The following TRPM6 variants were observed in gnomAD, a reference collection of about 807,000 sequenced individuals.
TRPM6 encodes the protein channel kinase 2.
TRPM6 carries 111 observed loss-of-function variants against 247.6 expected under a neutral mutation model. The ratio of observed to expected loss-of-function variants is 0.45; its 90% CI spans 0.38 to 0.52. The LOEUF (loss-of-function observed/expected upper bound fraction) is 0.52. Among genes scored for constraint, TRPM6 ranks in the 20% least tolerant of loss-of-function variants. TRPM6 has a pLI of 0.00. For missense variants in TRPM6, 2,126 were observed against 2,421.5 expected (o/e 0.88, Z 2.56); for synonymous variants, 892 against 853.8 (o/e 1.04, Z -0.78).
chr9:74,744,873 T>A (rs578205593), intron 31 of TRPM6, among the ~76,000 whole-genome samples: 2 of 152,194 alleles, frequency 1.3e-5, no homozygotes, highest in Non-Finnish European at 2.9e-5. Flanking sequence ...ATTTCGCAGA[T>A]CTCTCTGGGT....
At chr9:74,725,791 C>G (rs914507018) in intron 38 of TRPM6, among the ~76,000 whole-genome samples, 3 of 152,210 alleles carry the variant, frequency 2.0e-5, no homozygotes, top group Admixed American at 2.0e-4. Flanking sequence ...ATTGCCCAGT[C>G]TCAGGTATTT....
At chr9:74,849,337 GT>G in intron 3 of TRPM6, among the ~76,000 whole-genome samples, 1 of 132,934 alleles carries the variant, frequency 7.5e-6, no homozygotes, top group Non-Finnish European at 1.6e-5. Flanking sequence ...GGAAATAAGA[GT>G]GAAACTTCAT....
chr9:74,761,843 A>C (rs758471242), intron 26 of TRPM6, 35 bp from the exon 27 acceptor site: 2 of 1,543,352 alleles, frequency 1.3e-6, no homozygotes, highest in Non-Finnish European at 9.0e-7. Context: ...AAAGTTGACA[A>C]CAGTAAGTGG....
chr9:74,728,120 T>C, intron 38 of TRPM6, 119 bp downstream of exon 38: 1 of 838,312 alleles, frequency 1.2e-6, no homozygotes, highest in Non-Finnish European at 2.0e-6. Flanking sequence ...AGTCAGGCTC[T>C]GCGAATGACG....
chr9:74,829,010 C>A (rs1168497532), intron 6 of TRPM6, among the ~76,000 whole-genome samples: 1 of 152,080 alleles, frequency 6.6e-6, no homozygotes, highest in Non-Finnish European at 1.5e-5. Context: ...TAAAGAGTAA[C>A]AGCTGGCCAG....
At chr9:74,850,058 C>A (rs1184144756) in intron 3 of TRPM6, among the ~76,000 whole-genome samples, 1 of 152,204 alleles carries the variant, frequency 6.6e-6, no homozygotes, top group Non-Finnish European at 1.5e-5. Context: ...GAAGTGTCTA[C>A]AACTTACAAT....
At chr9:74,836,537 T>C (rs1829727291) in intron 5 of TRPM6, among the ~76,000 whole-genome samples, 1 of 152,176 alleles carries the variant, frequency 6.6e-6, no homozygotes, top group Admixed American at 6.5e-5. Context: ...GATTCCATGG[T>C]TTGGCATGGT....
At chr9:74,882,723 A>C (rs1831401849) in intron 1 of TRPM6, among the ~76,000 whole-genome samples, 1 of 152,196 alleles carries the variant, frequency 6.6e-6, no homozygotes, top group South Asian at 2.1e-4. Flanking sequence ...AAAACTAAAA[A>C]TGGAATTACC....
intron 1 of TRPM6, among the ~76,000 whole-genome samples, chr9:74,882,647 A>G (rs73538230): frequency 0.028 from 4,224 of 152,296 alleles, 229 homozygotes; most frequent in African/African-American, 0.098. Flanking sequence ...GGAGACCCTC[A>G]TACACTGTTG....
At chr9:74,732,632 T>C (rs1587449091) in intron 37 of TRPM6, 53 bp downstream of exon 37, 1 of 1,357,576 alleles carries the variant, frequency 7.4e-7, no homozygotes, top group South Asian at 1.2e-5. Context: ...TTTAAAACCA[T>C]TTACTATATG....
chr9:74,806,007 ATT>A (rs538334532), intron 14 of TRPM6, among the ~76,000 whole-genome samples: 1 of 152,164 alleles, frequency 6.6e-6, no homozygotes, highest in South Asian at 2.1e-4. Context: ...GGAATTATTC[ATT>A]TTTTATGTAT....
chr9:74,856,453 GTGTGTGTGTGTGTC>G (rs1406569243), intron 2 of TRPM6, among the ~76,000 whole-genome samples: 83 of 114,180 alleles, frequency 7.3e-4, no homozygotes, highest in African/African-American at 3.6e-3. Flanking sequence ...ATATGTGTGT[GTGTGTGTGTGTGTC>G]TGTGTGTGTG....
rs756592766 is a variant in TRPM6 at position 74,732,671 on chromosome 9, A to T, written c.5828+14T>A. On this transcript the variant is annotated intron_variant, in intron 37 of 38. Transcript: ENST00000360774. ...AATGCAATTTTCTAAATGATAACAC[A>T]TAAATTAACTTACTGTTTGACTTCA... 1 of 1,582,126 alleles carries T rather than the reference A, an allele frequency of 6.3e-7. No individual in the cohort carries two copies.
chr9:74,844,345 G>A (rs1021066754), intron 3 of TRPM6, among the ~76,000 whole-genome samples: 1 of 152,146 alleles, frequency 6.6e-6, no homozygotes. Flanking sequence ...CCAACATAAG[G>A]CTGTTGGTCT....
At chr9:74,781,551 A>AAAAAG (rs1554698840) in intron 23 of TRPM6, among the ~76,000 whole-genome samples, 1 of 148,426 alleles carries the variant, frequency 6.7e-6, no homozygotes, top group South Asian at 2.1e-4. Flanking sequence ...AAAAAAAAAA[A>AAAAAG]AAGAAGAAAA....
chr9:74,804,030 T>C (rs1297128527), intron 14 of TRPM6, 144 bp from the exon 15 acceptor site: 2 of 684,678 alleles, frequency 2.9e-6, no homozygotes, highest in Non-Finnish European at 5.2e-6. Context: ...TGTTGTGTCC[T>C]ACCAAATATC....
At position 74,852,415 on chromosome 9, in the gene TRPM6, C is replaced by T. The variant is rs138164077; in HGVS notation, c.152+3112G>A. 2.0e-3 allele frequency among the ~76,000 whole-genome samples: 283 copies of T among 144,942 alleles called. 2 individuals carry two copies. The highest frequency in any genetic ancestry group is 2.6e-3 in the Non-Finnish European group (172 of 65,270). On this transcript the variant is annotated intron_variant, in intron 3 of 38. Transcript: ENST00000360774. ...ATAAATGCATAAAAGTGTCCCGCTC[C>T]CGCTCCCTCTCCCGCTCCCTCTCCC...
At chr9:74,866,467 G>A (rs1029528063) in intron 1 of TRPM6, among the ~76,000 whole-genome samples, 12 of 151,822 alleles carry the variant, frequency 7.9e-5, no homozygotes, top group African/African-American at 2.9e-4. Context: ...ATTTTTTTGG[G>A]GGGGTTTTTT....
intron 17 of TRPM6, among the ~76,000 whole-genome samples, chr9:74,799,145 A>G (rs907609829): frequency 6.6e-6 from 1 of 152,198 alleles, no homozygotes; most frequent in Non-Finnish European, 1.5e-5. Flanking sequence ...AAAAGGATTT[A>G]TGTTGAGATC....
Sources: gnomAD v4.1 joint callset for allele counts (sites outside exome capture counted in the v4.1 genomes callset) on GRCh38, gnomAD v4.1.1 for gene constraint, MANE v1.5 for transcripts, NCBI Gene and HGNC (gene_info 2026-07-23, HGNC 2026-07-21) for gene names.